The following UVRAG variants were observed in gnomAD, a reference collection of about 807,000 sequenced individuals.
The protein encoded by UVRAG is UV radiation resistance-associated gene protein.
Under a neutral mutation model 78.0 loss-of-function variants are expected in UVRAG, and 19 were observed. The ratio of observed to expected loss-of-function variants is 0.24; its 90% CI spans 0.17 to 0.36. UVRAG has a LOEUF of 0.36. UVRAG is among the 10% of genes least tolerant of loss of function. The pLI is 1.00. For synonymous variants in UVRAG, 323 were observed against 324.6 expected, an observed-to-expected ratio of 1.00 and a Z score of 0.05; for missense variants, 740 against 853.8, an observed-to-expected ratio of 0.87 and a Z score of 1.66.
At chr11:75,835,093 G>A (rs1159952646) in intron 1 of UVRAG, 1 of 152,160 alleles carries the variant, frequency 6.6e-6, no homozygotes, top group Non-Finnish European at 1.5e-5. Context: ...ACAGTAGTAC[G>A]GAGACTGTTC....
In UVRAG at chr11:76,065,666, T is replaced by G. The variant is rs549488179; in HGVS notation, c.1227-44T>G. Reference sequence around the variant, plus strand: ...CTGTTGACAACTTGGAGGTTGTATTTACTCAGCTTTTGAAAATATCTGATC... The same window carrying G: ...CTGTTGACAACTTGGAGGTTGTATTGACTCAGCTTTTGAAAATATCTGATC... On this transcript the variant is annotated intron_variant, in intron 12 of 14. Transcript: ENST00000356136. 6.3e-5 allele frequency: 100 copies of G among 1,583,766 alleles called. No homozygotes were observed. The South Asian group carries it at 1.0e-3, about 16-fold the overall frequency.
rs1245579770 is a variant in UVRAG at position 75,969,277 on chromosome 11, A to G, written c.699+7728A>G. Among the ~76,000 whole-genome samples the G allele has an allele frequency of 3.9e-5, 6 of 152,282 alleles. No individual in the cohort carries two copies. In the East Asian group the frequency reaches 1.2e-3, roughly 29 times the overall value. ...TATGGCTGGCTGTTTCACTTAGTGT[A>G]ATGTCCTCAAGCTTCATCCATGGTG... On this transcript the variant is annotated intron_variant, in intron 7 of 14. Coordinates refer to ENST00000356136, the MANE Select transcript of UVRAG (RefSeq NM_003369.4).
chr11:75,985,295 T>C (rs1591096519), intron 8 of UVRAG, among the ~76,000 whole-genome samples: 1 of 152,038 alleles, frequency 6.6e-6, no homozygotes, highest in African/African-American at 2.4e-5. Flanking sequence ...AGTTAGTCTT[T>C]CATATGTTAT....
chr11:75,869,415 A>G (rs1201895380), intron 3 of UVRAG, among the ~76,000 whole-genome samples: 1 of 152,222 alleles, frequency 6.6e-6, no homozygotes, highest in East Asian at 1.9e-4. Context: ...TGATTCTCAA[A>G]CCAACTTTAT....
At chr11:75,905,512 T>A (rs1380240292) in intron 5 of UVRAG, among the ~76,000 whole-genome samples, 3 of 152,234 alleles carry the variant, frequency 2.0e-5, no homozygotes, top group Non-Finnish European at 2.9e-5. Flanking sequence ...TTTACCTATT[T>A]TGGGTATTTC....
intron 6 of UVRAG, among the ~76,000 whole-genome samples, chr11:75,917,703 T>C (rs1388999345): frequency 6.6e-6 from 1 of 152,200 alleles, no homozygotes; most frequent in Non-Finnish European, 1.5e-5. Flanking sequence ...CCTTTTCTTT[T>C]CCCTGGTTTG....
At chr11:76,106,227 A>G (rs956962914) in intron 13 of UVRAG, among the ~76,000 whole-genome samples, 4 of 152,212 alleles carry the variant, frequency 2.6e-5, no homozygotes. Context: ...AAAGGCAGAC[A>G]CAACAGGCTA....
intron 7 of UVRAG, among the ~76,000 whole-genome samples, chr11:75,978,455 CAG>C (rs1466403405): frequency 1.3e-5 from 2 of 152,216 alleles, no homozygotes; most frequent in African/African-American, 2.4e-5. Flanking sequence ...TAATATCCTG[CAG>C]AGTGTTTTCC....
Position 75,904,405 on chromosome 11 carries a change from C to T in UVRAG, c.508-7549C>T, listed in dbSNP as rs949902278. The stretch of plus-strand genomic sequence containing the variant: ...CACAGATAACCAGATACAAATGAGC[C>T]GTTTCTTTCCATTATAATCCTTCAT... On this transcript the variant is annotated intron_variant, in intron 5 of 14. Transcript: ENST00000356136. Among the ~76,000 whole-genome samples, 5 of 152,118 alleles carry T rather than the reference C, an allele frequency of 3.3e-5. No homozygotes were observed. In the East Asian group the frequency reaches 5.8e-4, roughly 18 times the overall value.
At chr11:75,985,314 T>C (rs1166415075) in intron 8 of UVRAG, among the ~76,000 whole-genome samples, 2 of 152,096 alleles carry the variant, frequency 1.3e-5, no homozygotes, top group Non-Finnish European at 2.9e-5. Context: ...ATAAATTTTA[T>C]AAACATTTCA....
At chr11:75,818,194 A>G (rs1250954722) in intron 1 of UVRAG, among the ~76,000 whole-genome samples, 1 of 152,138 alleles carries the variant, frequency 6.6e-6, no homozygotes, top group Non-Finnish European at 1.5e-5. Flanking sequence ...TCTGATTTCT[A>G]ATGTAAAAGA....
chr11:76,042,239 A>G (rs1950660642), intron 12 of UVRAG, among the ~76,000 whole-genome samples: 1 of 152,258 alleles, frequency 6.6e-6, no homozygotes, highest in Non-Finnish European at 1.5e-5. Flanking sequence ...AATATTTTAG[A>G]TACACACACA....
At chr11:75,821,085 G>A (rs1026734948) in intron 1 of UVRAG, among the ~76,000 whole-genome samples, 3 of 151,840 alleles carry the variant, frequency 2.0e-5, no homozygotes, top group Non-Finnish European at 4.4e-5. Flanking sequence ...CCCCATTCTC[G>A]CCTCCTACCA....
At chr11:75,889,983 A>AT (rs1401968027) in intron 5 of UVRAG, among the ~76,000 whole-genome samples, 1 of 152,200 alleles carries the variant, frequency 6.6e-6, no homozygotes, top group Non-Finnish European at 1.5e-5. Flanking sequence ...AGTAGGGAGT[A>AT]GGGGCTGAAT....
chr11:76,032,935 T>C (rs1950462822), intron 12 of UVRAG, among the ~76,000 whole-genome samples: 1 of 152,240 alleles, frequency 6.6e-6, no homozygotes, highest in Non-Finnish European at 1.5e-5. Flanking sequence ...TAAATTAAAC[T>C]TACCTTCAAA....
chr11:76,131,617 G>A (rs1297101834), intron 14 of UVRAG, among the ~76,000 whole-genome samples: 1 of 152,128 alleles, frequency 6.6e-6, no homozygotes, highest in East Asian at 1.9e-4. Context: ...GCAAAGCCCC[G>A]GGGGAAAAGT....
chr11:75,949,122 G>A (rs1158257278), intron 6 of UVRAG, among the ~76,000 whole-genome samples: 2 of 152,126 alleles, frequency 1.3e-5, no homozygotes, highest in South Asian at 2.1e-4. Flanking sequence ...GATTTGAAAT[G>A]GCTTTAATTA....
At chr11:75,930,942 T>TCTTG (rs1328686351) in intron 6 of UVRAG, 5 of 145,002 alleles carry the variant, frequency 3.4e-5, no homozygotes, top group African/African-American at 1.3e-4. Flanking sequence ...TTTCTTTCTT[T>TCTTG]CTTTCTTTCT....
intron 1 of UVRAG, among the ~76,000 whole-genome samples, chr11:75,841,332 A>G (rs917333362): frequency 5.3e-5 from 8 of 152,204 alleles, no homozygotes; most frequent in African/African-American, 1.9e-4. Flanking sequence ...AACAACCAAT[A>G]AGCTAAGAAT....
Sources: allele counts gnomAD v4.1 joint callset (sites outside exome capture counted in the v4.1 genomes callset), GRCh38; gene constraint gnomAD v4.1.1; transcripts MANE v1.5; gene names NCBI Gene and HGNC (gene_info 2026-07-23, HGNC 2026-07-21).